The following ZNF500 variants were observed in gnomAD, a reference collection of about 807,000 sequenced individuals.
ZNF500 encodes the protein zinc finger protein with KRAB and SCAN domains 18.
A neutral mutation model predicts 30.1 loss-of-function variants in ZNF500; 31 were observed. That is an observed-to-expected ratio of 1.03 (90% CI 0.77 to 1.39). ZNF500 has a LOEUF of 1.39. Among genes scored for constraint, ZNF500 ranks in the 40% most tolerant of loss-of-function variants. The probability of loss-of-function intolerance (pLI) is 0.00; values close to 1 mark genes in which losing one functional copy is unlikely to be tolerated. For synonymous variants in ZNF500, 392 were observed against 282.0 expected (o/e 1.39, Z -3.91); for missense variants, 817 against 657.8 (o/e 1.24, Z -2.65).
In ZNF500 at chr16:4,750,155, G is replaced by A. The variant is rs2082064085; in HGVS notation, c.*2221C>T. ...TGGGGAGATGGGTGTCAGCAACGCT[G>A]GGTGCTTTGCTAGCTCCTGGAGTGT... On this transcript the variant is annotated 3_prime_UTR_variant, in exon 6 of 6. Coordinates refer to ENST00000219478, the MANE Select transcript of ZNF500 (RefSeq NM_021646.4). The A allele has an allele frequency of 6.6e-6, 1 of 152,604 alleles. No homozygotes were observed. The highest frequency in any genetic ancestry group is 2.1e-4 in the South Asian group (1 of 4,846). 9.5% of individuals were successfully genotyped at this position (152,604 alleles called of 1,614,324 possible). A position where few individuals can be genotyped will look rare whatever the true frequency, so the allele number is the denominator to read the frequency against.
At chr16:4,753,899 C>T (rs779602754) in intron 5 of ZNF500, among the ~76,000 whole-genome samples, 19 of 152,216 alleles carry the variant, frequency 1.2e-4, no homozygotes, top group Non-Finnish European at 5.9e-5. Context: ...GCCACTGGAC[C>T]TCCCTTGTCG....
At chr16:4,765,472 A>G in intron 2 of ZNF500, 93 bp downstream of exon 2, 3 of 1,495,270 alleles carry the variant, frequency 2.0e-6, no homozygotes, top group Non-Finnish European at 2.7e-6. Context: ...AGGCAGCCAC[A>G]CTTGGTCACC....
At chr16:4,746,805 C>T (rs146221626), downstream of ZNF500, 3 of 945,604 alleles carry the variant, frequency 3.2e-6, no homozygotes. Flanking sequence ...CCACCGGCCT[C>T]CAGTGTGGCT....
downstream of ZNF500, chr16:4,746,446 CAG>C: frequency 2.5e-6 from 4 of 1,613,754 alleles, no homozygotes; most frequent in South Asian, 4.4e-5. Flanking sequence ...AGGCTTAACG[CAG>C]AGTCCCCCAC....
Position 4,765,857 on chromosome 16 carries a change from G to C in ZNF500, c.122C>G (p.Thr41Arg), listed in dbSNP as rs372666825. ...FCLEEEPSVETEDPSPETFRQ... is the reference protein window; with the variant it reads ...FCLEEEPSVEREDPSPETFRQ... ...GAAAGTCTCAGGGCTGGGGTCCTCC[G>C]TCTCCACGGAGGGCTCCTCTTCCAA... is the stretch of plus-strand genomic sequence containing the variant. Residue 41 changes from threonine (T) to arginine (R), a missense_variant, in exon 2 of 6, where the codon ACG becomes AGG. Transcript: ENST00000219478. The C allele has an allele frequency of 3.7e-6, 6 of 1,613,784 alleles. No individual in the cohort carries two copies. In the Admixed American group the frequency reaches 5.0e-5, roughly 13 times the overall value.
intron 4 of ZNF500, among the ~76,000 whole-genome samples, chr16:4,761,472 C>T (rs1270876800): frequency 1.7e-5 from 1 of 57,522 alleles, no homozygotes; most frequent in Non-Finnish European, 3.4e-5. Flanking sequence ...AACAAATACA[C>T]ATACATACAC....
chr16:4,752,200 C>G lies in ZNF500; in HGVS notation c.*176G>C. On this transcript the variant is annotated 3_prime_UTR_variant, in exon 6 of 6. Transcript: ENST00000219478. ...AGCCTGTCCTTGCCCTTGTTCTGCA[C>G]CCAGTGCCCAGCTTCCTCTGCGGCC... 7.0e-7 allele frequency: 1 copy of G among 1,419,706 alleles called. No homozygotes were observed. Among genetic ancestry groups the G allele is most frequent in the Non-Finnish European group, 9.1e-7 (1 of 1,093,016 alleles). The allele number at this position is 1,419,706 out of a possible 1,614,324, so 87.9% of individuals were successfully genotyped here. A position where few individuals can be genotyped will look rare whatever the true frequency, so the allele number is the denominator to read the frequency against.
chr16:4,747,702 T>C, downstream of ZNF500: 1 of 1,467,110 alleles, frequency 6.8e-7, no homozygotes, highest in Non-Finnish European at 9.1e-7. Context: ...CGGTGTCCCC[T>C]TGTTGTTCCT....
downstream of ZNF500, chr16:4,744,866 TCAGACCG>T: frequency 6.2e-7 from 1 of 1,611,194 alleles, no homozygotes; most frequent in Non-Finnish European, 8.5e-7. Context: ...TTGGCCATCC[TCAGACCG>T]CATGGTGCCG....
In ZNF500 at chr16:4,762,561, G is replaced by T. The variant is rs1341295986; in HGVS notation, c.598+12C>A. 2 of 1,605,486 alleles carry T rather than the reference G, an allele frequency of 1.2e-6. No homozygotes were observed. The highest frequency in any genetic ancestry group is 1.3e-5 in the African/African-American group (1 of 74,774). The stretch of plus-strand genomic sequence containing the variant: ...GCACCACTTCTCATTCCTCCAAAGG[G>T]GTGCTACTCACCTCTCTCTGGCCAC... On this transcript the variant is annotated intron_variant, in intron 3 of 5. Transcript: ENST00000219478.
intron 2 of ZNF500, among the ~76,000 whole-genome samples, chr16:4,764,654 C>T (rs4786545): frequency 0.58 from 87,951 of 150,902 alleles, 26,902 homozygotes; most frequent in East Asian, 0.7. Context: ...TGGTGGTGGG[C>T]GCCTGTAGTC....
At position 4,765,842 on chromosome 16, in the gene ZNF500, G is replaced by C. The variant is rs2082259634; in HGVS notation, c.137C>G (p.Pro46Arg). ...EPSVETEDPS[P>R]ETFRQLFRLF... Reference sequence around the variant, plus strand: ...CCGGAAGAGCTGGCGGAAAGTCTCAGGGCTGGGGTCCTCCGTCTCCACGGA... The same window carrying C: ...CCGGAAGAGCTGGCGGAAAGTCTCACGGCTGGGGTCCTCCGTCTCCACGGA... Residue 46 changes from proline (P) to arginine (R), a missense_variant, in exon 2 of 6, where the codon CCT becomes CGT. Pro to Arg is a moderately radical substitution (Grantham distance 103, BLOSUM62 -2). Transcript: ENST00000219478. 1 of 1,613,786 alleles carries C rather than the reference G, an allele frequency of 6.2e-7. No homozygotes were observed. The highest frequency in any genetic ancestry group is 8.5e-7 in the Non-Finnish European group (1 of 1,180,020).
At chr16:4,761,598 T>G (rs1222060540) in intron 4 of ZNF500, among the ~76,000 whole-genome samples, 1 of 149,468 alleles carries the variant, frequency 6.7e-6, no homozygotes, top group African/African-American at 2.5e-5. Flanking sequence ...GTAATCCCAG[T>G]GCTTTGGGAG....
intron 3 of ZNF500, 116 bp downstream of exon 3, chr16:4,762,457 G>C: frequency 6.6e-7 from 1 of 1,510,360 alleles, no homozygotes; most frequent in East Asian, 2.3e-5. Context: ...CCTTGCTGGA[G>C]AGCCTGTGCA....
downstream of ZNF500, chr16:4,746,138 C>A: frequency 2.2e-6 from 1 of 459,186 alleles, no homozygotes; most frequent in Admixed American, 3.9e-5. Context: ...CAAGTGGCTA[C>A]ACTTACCACA....
At chr16:4,757,595 C>T (rs80188479) in intron 5 of ZNF500, among the ~76,000 whole-genome samples, 3 of 150,910 alleles carry the variant, frequency 2.0e-5, no homozygotes, top group East Asian at 3.9e-4. Context: ...CCACCATGCC[C>T]GGCCCGTTTT....
Position 4,751,881 on chromosome 16 carries a change from CTGGGGGACACAGCAAGG to C in ZNF500, c.*478_*494del. On this transcript the variant is annotated 3_prime_UTR_variant, in exon 6 of 6. Transcript: ENST00000219478. ...TATGATCATGGCACTGTATTCCCGC[CTGGGGGACACAGCAAGG>C]CCCCGTCTCAAAAAAAAAAGGGGGG... The C allele has an allele frequency of 3.1e-6, 1 of 320,232 alleles. No homozygotes were observed. The allele number at this position is 320,232 out of a possible 1,614,324, so 19.8% of individuals were successfully genotyped here. A position where few individuals can be genotyped will look rare whatever the true frequency, so the allele number is the denominator to read the frequency against.
chr16:4,744,901 C>T, downstream of ZNF500: 2 of 1,613,866 alleles, frequency 1.2e-6, no homozygotes, highest in Non-Finnish European at 1.7e-6. Context: ...ACAACAGGCT[C>T]ATGGAACAGC....
chr16:4,764,387 G>A (rs112929228), intron 2 of ZNF500, among the ~76,000 whole-genome samples: 2,397 of 152,248 alleles, frequency 0.016, 68 homozygotes, highest in African/African-American at 0.055. Context: ...TCAGCCTGGC[G>A]TGGTGGCAGA....
Sources: allele counts gnomAD v4.1 joint callset (sites outside exome capture counted in the v4.1 genomes callset), GRCh38; gene constraint gnomAD v4.1.1; transcripts MANE v1.5; gene names NCBI Gene and HGNC (gene_info 2026-07-23, HGNC 2026-07-21).